Variants in NCKAP1 observed in about 807,000 individuals in gnomAD.
NCKAP1 encodes NCK associated protein 1, also known as nck-associated protein 1.
A neutral mutation model predicts 151.2 loss-of-function variants in NCKAP1; 21 were observed. The observed-to-expected ratio is 0.14, with a 90% CI of 0.10 to 0.20. NCKAP1 has a LOEUF of 0.20. Among genes scored for constraint, NCKAP1 ranks in the 10% least tolerant of loss-of-function variants. NCKAP1 has a pLI of 1.00. For synonymous variants in NCKAP1, 484 were observed against 451.8 expected (o/e 1.07, Z -0.90); for missense variants, 933 against 1,352.1 (o/e 0.69, Z 4.86).
Position 182,928,850 on chromosome 2 carries a change from C to T in NCKAP1, c.3003G>A (p.Val1001=). 6.2e-7 allele frequency: 1 copy of T among 1,612,364 alleles called. No individual in the cohort carries two copies. The highest frequency in any genetic ancestry group is 8.5e-7 in the Non-Finnish European group (1 of 1,178,838). Residue 1001 remains valine, a synonymous_variant, in exon 28 of 31, where the codon GTG becomes GTA. Transcript: ENST00000361354. Reference sequence around the variant, plus strand: ...GTGTTGGCAAAGAAACTGCCACAAACACCATGAGAAGGCAGGCAATTTTAT... The same window carrying T: ...GTGTTGGCAAAGAAACTGCCACAAATACCATGAGAAGGCAGGCAATTTTAT... The part of the protein sequence containing the change: ...EEYKIACLLM[V]FVAVSLPTLA...
chr2:182,913,014 C>T lies in NCKAP1; in HGVS notation c.*12688G>A, dbSNP rs369596401. ...CTATCATTGAAACTTTCACTTGAGC[C>T]TCTGTTCAGTTTTGACGTTACCATG... On this transcript the variant is annotated 3_prime_UTR_variant, in exon 31 of 31. Transcript: ENST00000361354. 17 of 152,192 alleles carry T rather than the reference C, an allele frequency of 1.1e-4. No individual in the cohort carries two copies. Among genetic ancestry groups the T allele is most frequent in the African/African-American group, 4.1e-4 (17 of 41,446 alleles). The allele number at this position is 152,192 out of a possible 1,614,324, so 9.4% of individuals were successfully genotyped here. A position where few individuals can be genotyped will look rare whatever the true frequency, so the allele number is the denominator to read the frequency against.
chr2:183,004,682 G>A (rs193290446), intron 2 of NCKAP1, among the ~76,000 whole-genome samples: 3 of 151,966 alleles, frequency 2.0e-5, no homozygotes, highest in East Asian at 1.9e-4. Flanking sequence ...TCAGCAGTTC[G>A]AGACCAGCCT....
chr2:182,975,112 A>C lies in NCKAP1; in HGVS notation c.1482+1781T>G, dbSNP rs370978740. On this transcript the variant is annotated intron_variant, in intron 15 of 30. Coordinates refer to ENST00000361354, the MANE Select transcript of NCKAP1 (RefSeq NM_013436.5). Reference sequence around the variant, plus strand: ...TTCAAGCTTTATGACAATGACTTTCAAAGTTTTAAACATGTATATCCTTTG... The same window carrying C: ...TTCAAGCTTTATGACAATGACTTTCCAAGTTTTAAACATGTATATCCTTTG... Among the ~76,000 whole-genome samples, 6 of 152,322 alleles carry C rather than the reference A, an allele frequency of 3.9e-5. No homozygotes were observed. The East Asian group carries it at 9.6e-4, about 24-fold the overall frequency.
At chr2:182,961,472 C>T (rs929031910) in intron 18 of NCKAP1, among the ~76,000 whole-genome samples, 12 of 152,032 alleles carry the variant, frequency 7.9e-5, no homozygotes, top group Non-Finnish European at 1.5e-4. Flanking sequence ...AGCAAACTAT[C>T]GCAAGGACAA....
chr2:183,007,197 C>A (rs1559103812), intron 2 of NCKAP1, among the ~76,000 whole-genome samples: 1 of 152,246 alleles, frequency 6.6e-6, no homozygotes, highest in East Asian at 1.9e-4. Flanking sequence ...CTTATAAAAG[C>A]ATATTCATGT....
intron 2 of NCKAP1, among the ~76,000 whole-genome samples, chr2:183,017,855 T>C (rs1267254159): frequency 6.6e-6 from 1 of 152,216 alleles, no homozygotes; most frequent in Non-Finnish European, 1.5e-5. Context: ...AGTTAACAGC[T>C]TCCATTCTTC....
At chr2:183,030,775 ATT>A (rs1009440515) in intron 1 of NCKAP1, among the ~76,000 whole-genome samples, 1 of 152,252 alleles carries the variant, frequency 6.6e-6, no homozygotes, top group South Asian at 2.1e-4. Flanking sequence ...ACCTATGATT[ATT>A]TTATGTTCCA....
In NCKAP1 at chr2:182,915,347, T is replaced by G. The variant is rs1359762563; in HGVS notation, c.*10355A>C. On this transcript the variant is annotated 3_prime_UTR_variant, in exon 31 of 31. Coordinates refer to ENST00000361354, the MANE Select transcript of NCKAP1 (RefSeq NM_013436.5). ...GAAGAGAGAATAGTTGAGAGTTGAG[T>G]GATCTATCCTTCAAACTACAGGCAT... 1 of 152,182 alleles carries G rather than the reference T, an allele frequency of 6.6e-6. No homozygotes were observed. Among genetic ancestry groups the G allele is most frequent in the Non-Finnish European group, 1.5e-5 (1 of 68,030 alleles). The allele number at this position is 152,182 out of a possible 1,614,324, so 9.4% of individuals were successfully genotyped here. A position where few individuals can be genotyped will look rare whatever the true frequency, so the allele number is the denominator to read the frequency against.
intron 8 of NCKAP1, among the ~76,000 whole-genome samples, chr2:182,992,172 T>C (rs1431000071): frequency 6.6e-6 from 1 of 152,140 alleles, no homozygotes; most frequent in Non-Finnish European, 1.5e-5. Flanking sequence ...AGAACAAAGG[T>C]CCAAAGAAAG....
At chr2:183,009,244 A>G (rs1559104649) in intron 2 of NCKAP1, among the ~76,000 whole-genome samples, 1 of 151,922 alleles carries the variant, frequency 6.6e-6, no homozygotes, top group East Asian at 1.9e-4. Flanking sequence ...ATGGCAGGTT[A>G]GCCACCTGTG....
chr2:182,951,078 C>T (rs1293844842), intron 23 of NCKAP1, among the ~76,000 whole-genome samples: 1 of 151,878 alleles, frequency 6.6e-6, no homozygotes, highest in Non-Finnish European at 1.5e-5. Context: ...GGCAATCCCC[C>T]ACCTCGGCCT....
At chr2:182,947,171 T>C (rs6730183) in intron 23 of NCKAP1, 15,572 of 152,214 alleles carry the variant, frequency 0.1, 1,120 homozygotes, top group African/African-American at 0.2. Flanking sequence ...GCTAAGTACA[T>C]TGGGGCACTA....
At chr2:182,932,005 C>A (rs939005069) in intron 26 of NCKAP1, among the ~76,000 whole-genome samples, 7 of 152,130 alleles carry the variant, frequency 4.6e-5, no homozygotes, top group Admixed American at 3.3e-4. Flanking sequence ...AAAAATGAAA[C>A]CCTCATACAA....
At chr2:182,967,428 AG>A in intron 15 of NCKAP1, 67 bp from the exon 16 acceptor site, 5 of 1,367,426 alleles carry the variant, frequency 3.7e-6, no homozygotes, top group South Asian at 1.3e-5. Flanking sequence ...GTCATTTTAC[AG>A]GGGGAAAAGC....
chr2:183,009,636 G>A (rs72888445), intron 2 of NCKAP1, among the ~76,000 whole-genome samples: 13,524 of 152,060 alleles, frequency 0.089, 730 homozygotes, highest in Non-Finnish European at 0.12. Flanking sequence ...GGTAAAATAC[G>A]CATAAAATTT....
chr2:183,025,574 A>G (rs2105895596), intron 1 of NCKAP1, among the ~76,000 whole-genome samples: 1 of 152,300 alleles, frequency 6.6e-6, no homozygotes, highest in Admixed American at 6.5e-5. Flanking sequence ...GAAATTTAGA[A>G]CTTCATAATC....
At position 182,982,931 on chromosome 2, in the gene NCKAP1, T is replaced by C; in HGVS notation, c.1102-4A>G. ...ATGCCATAAAAACAAAAAGTGCCTG[T>C]TTAAAAAAAAGTAAGTGTTTATTCT... On this transcript the variant is annotated splice_polypyrimidine_tract_variant and splice_region_variant and intron_variant, in intron 11 of 30. Coordinates refer to ENST00000361354, the MANE Select transcript of NCKAP1 (RefSeq NM_013436.5). The C allele has an allele frequency of 1.3e-6, 2 of 1,581,072 alleles. No individual in the cohort carries two copies. Among genetic ancestry groups the C allele is most frequent in the South Asian group, 1.2e-5 (1 of 85,592 alleles).
chr2:182,939,415 G>A (rs1314708460), intron 24 of NCKAP1, among the ~76,000 whole-genome samples: 1 of 152,096 alleles, frequency 6.6e-6, no homozygotes, highest in African/African-American at 2.4e-5. Flanking sequence ...TGTAGTCCTA[G>A]TTACTTGGGA....
Position 182,939,327 on chromosome 2 carries a change from C to T in NCKAP1, c.2695+2743G>A, listed in dbSNP as rs574513503. 5.3e-5 allele frequency among the ~76,000 whole-genome samples: 8 copies of T among 152,094 alleles called. No homozygotes were observed. The South Asian group carries it at 1.7e-3, about 32-fold the overall frequency. On this transcript the variant is annotated intron_variant, in intron 24 of 30. Coordinates refer to ENST00000361354, the MANE Select transcript of NCKAP1 (RefSeq NM_013436.5). ...GATGGATCACTTGAGGTCAGGAGTT[C>T]GAGACCAGCCTGGACAACACTGTGA...
Sources: gnomAD v4.1 joint callset for allele counts (sites outside exome capture counted in the v4.1 genomes callset) on GRCh38, gnomAD v4.1.1 for gene constraint, MANE v1.5 for transcripts, NCBI Gene and HGNC (gene_info 2026-07-23, HGNC 2026-07-21) for gene names.